C2orf92: variants seen among roughly 807,000 people sequenced by gnomAD.
The protein encoded by C2orf92 is chromosome 2 open reading frame 92.
chr2:97,689,104 G>A (rs1055041377), intron 4 of C2orf92, 111 bp downstream of exon 4: 36 of 396,338 alleles, frequency 9.1e-5, no homozygotes, highest in Non-Finnish European at 1.3e-4. Flanking sequence ...TACTGGTGGG[G>A]CAAAGCCAAA....
intron 3 of C2orf92, among the ~76,000 whole-genome samples, chr2:97,676,778 AAAGAG>A (rs887185702): frequency 8.4e-6 from 1 of 119,636 alleles, no homozygotes; most frequent in African/African-American, 4.1e-5. Flanking sequence ...TATTAAAAAA[AAAGAG>A]AGAGACATCT....
chr2:97,690,790 T>G lies in C2orf92; in HGVS notation c.403+463T>G, dbSNP rs540902538. Among the ~76,000 whole-genome samples, 494 of 150,002 alleles carry G rather than the reference T, an allele frequency of 3.3e-3. 3 individuals are homozygous for G. Among genetic ancestry groups the G allele is most frequent in the African/African-American group, 0.011 (429 of 40,736 alleles). ...AGTACTTGTTTTTTTTTTTTTGTTT[T>G]TTTTTTTGAGACAGAGTCTCACTCT... On this transcript the variant is annotated intron_variant, in intron 5 of 7. Coordinates refer to ENST00000627399, the MANE Select transcript of C2orf92 (RefSeq NM_001351368.2).
At chr2:97,690,073 G>A (rs565000292) in intron 4 of C2orf92, among the ~76,000 whole-genome samples, 183 bp from the exon 5 acceptor site, 6 of 152,126 alleles carry the variant, frequency 3.9e-5, no homozygotes, top group South Asian at 2.1e-4. Flanking sequence ...GGAGGTTGCC[G>A]TGAGCCGAGA....
In C2orf92 at chr2:97,702,689, C is replaced by T. The variant is rs1167810024; in HGVS notation, c.686C>T (p.Thr229Ile). The change falls in exon 8 of 8, where the codon ACA becomes ATA. Residue 229 changes from threonine to isoleucine, a missense_variant. Physicochemically the swap from Thr to Ile is moderately conservative, Grantham distance 89. Coordinates refer to ENST00000627399, the MANE Select transcript of C2orf92 (RefSeq NM_001351368.2). The stretch of plus-strand genomic sequence containing the variant: ...TTTAGATCTCCTCTGGCAAACACGA[C>T]ATATAATATTTTTATAATGGATGGA... ...KQPSSPLANT[T>I]YNIFIMDGKT... 9 of 398,820 alleles carry T rather than the reference C, an allele frequency of 2.3e-5. No homozygotes were observed. Among genetic ancestry groups the T allele is most frequent in the Admixed American group, 8.8e-5 (2 of 22,708 alleles). 24.7% of individuals were successfully genotyped at this position (398,820 alleles called of 1,614,324 possible).
rs1251690243 is a variant in C2orf92 at position 97,703,000 on chromosome 2, G to A, written c.*199G>A. On this transcript the variant is annotated 3_prime_UTR_variant, in exon 8 of 8. Coordinates refer to ENST00000627399, the MANE Select transcript of C2orf92 (RefSeq NM_001351368.2). ...TTGTGGCAATATGGCACCGATGGCT[G>A]GCGTCGGTGAACCCGACAGACTATG... The A allele has an allele frequency of 2.6e-6, 1 of 389,096 alleles. No individual in the cohort carries two copies. The highest frequency in any genetic ancestry group is 3.6e-5 in the East Asian group (1 of 27,564). 24.1% of individuals were successfully genotyped at this position (389,096 alleles called of 1,614,324 possible).
At chr2:97,681,058 G>C (rs189527168) in intron 3 of C2orf92, among the ~76,000 whole-genome samples, 146 of 131,712 alleles carry the variant, frequency 1.1e-3, no homozygotes, top group South Asian at 3.7e-3. Context: ...AGTGAGCCGA[G>C]ATGGCGCCAC....
chr2:97,691,560 A>T (rs938516404), intron 5 of C2orf92, among the ~76,000 whole-genome samples: 3 of 152,228 alleles, frequency 2.0e-5, no homozygotes, highest in African/African-American at 7.2e-5. Flanking sequence ...AAGACTTAAA[A>T]GATTTAAAAG....
intron 5 of C2orf92, among the ~76,000 whole-genome samples, chr2:97,695,143 C>G (rs139677324): frequency 6.6e-6 from 1 of 152,292 alleles, no homozygotes; most frequent in East Asian, 1.9e-4. Context: ...TTTTGATGCG[C>G]AAAATTTTAA....
chr2:97,665,870 C>T (rs903280504), upstream of C2orf92: 1 of 151,392 alleles, frequency 6.6e-6, no homozygotes, highest in Non-Finnish European at 1.5e-5. Context: ...CTCCACCTCC[C>T]AGGCTCAAGC....
chr2:97,675,267 A>G (rs575524165), intron 2 of C2orf92, among the ~76,000 whole-genome samples: 3 of 152,392 alleles, frequency 2.0e-5, no homozygotes, highest in African/African-American at 7.2e-5. Context: ...GACTCTCAGT[A>G]AAGCAATTTA....
At position 97,679,103 on chromosome 2, in the gene C2orf92, G is replaced by A. The variant is rs186459642; in HGVS notation, c.232+3175G>A. The stretch of plus-strand genomic sequence containing the variant: ...CAGGTAAACAAAAGCTGAGAGACCC[G>A]CCTTATGAGAAATGGCAAAGAGAGC... On this transcript the variant is annotated intron_variant, in intron 3 of 7. Coordinates refer to ENST00000627399, the MANE Select transcript of C2orf92 (RefSeq NM_001351368.2). Among the ~76,000 whole-genome samples, 100 of 151,790 alleles carry A rather than the reference G, an allele frequency of 6.6e-4. No homozygotes were observed. The East Asian group carries it at 9.9e-3, about 15-fold the overall frequency.
chr2:97,692,371 A>C (rs181038016), intron 5 of C2orf92, among the ~76,000 whole-genome samples: 1 of 151,244 alleles, frequency 6.6e-6, no homozygotes, highest in Admixed American at 6.6e-5. Flanking sequence ...TGCCTTGTTC[A>C]ATTCTACGTA....
intron 5 of C2orf92, among the ~76,000 whole-genome samples, chr2:97,694,771 G>T (rs536072546): frequency 6.6e-6 from 1 of 152,244 alleles, no homozygotes; most frequent in African/African-American, 2.4e-5. Flanking sequence ...ATTGCTGGAT[G>T]ATATGATTTT....
chr2:97,667,815 A>G (rs1216085030), upstream of C2orf92: 1 of 152,092 alleles, frequency 6.6e-6, no homozygotes, highest in Non-Finnish European at 1.5e-5. Flanking sequence ...CCTGGAACAC[A>G]TCCATACTTA....
chr2:97,685,180 C>T (rs1451370271), intron 3 of C2orf92, among the ~76,000 whole-genome samples: 3 of 151,312 alleles, frequency 2.0e-5, no homozygotes, highest in African/African-American at 7.3e-5. Context: ...CCATCCACCT[C>T]GGCCTCCCAA....
intron 3 of C2orf92, among the ~76,000 whole-genome samples, chr2:97,687,151 G>A (rs1351664944): frequency 7.2e-6 from 1 of 139,422 alleles, no homozygotes; most frequent in African/African-American, 3.4e-5. Context: ...GATCACTTGA[G>A]GCCAGGAGTT....
At chr2:97,667,633 C>T (rs1346964608), upstream of C2orf92, among the ~76,000 whole-genome samples, 2 of 151,864 alleles carry the variant, frequency 1.3e-5, no homozygotes, top group East Asian at 1.9e-4. Flanking sequence ...GGGGTTTCAC[C>T]GTGTTAGCCA....
At chr2:97,666,570 C>T (rs1008079524), upstream of C2orf92, among the ~76,000 whole-genome samples, 3 of 147,532 alleles carry the variant, frequency 2.0e-5, no homozygotes, top group South Asian at 2.1e-4. Flanking sequence ...GAGATGGGCA[C>T]GGTAGCTCAT....
upstream of C2orf92, among the ~76,000 whole-genome samples, chr2:97,667,707 C>T (rs1675280522): frequency 6.6e-6 from 1 of 152,176 alleles, no homozygotes; most frequent in Admixed American, 6.5e-5. Context: ...GCTGGGATTA[C>T]AGGTGTGAGC....
Sources: gnomAD v4.1 joint callset for allele counts (sites outside exome capture counted in the v4.1 genomes callset) on GRCh38, gnomAD v4.1.1 for gene constraint, MANE v1.5 for transcripts, NCBI Gene and HGNC (gene_info 2026-07-23, HGNC 2026-07-21) for gene names.